PTPRD: variants seen among roughly 807,000 people sequenced by gnomAD.
PTPRD encodes receptor-type tyrosine-protein phosphatase delta.
PTPRD carries 34 observed loss-of-function variants against 214.5 expected under a neutral mutation model. The observed-to-expected ratio is 0.16, with a 90% CI of 0.12 to 0.21. The LOEUF is 0.21. PTPRD is among the 10% of genes least tolerant of loss of function. PTPRD has a pLI of 1.00. For missense variants in PTPRD, 2,545 were observed against 2,398.7 expected (o/e 1.06, Z -1.27); for synonymous variants, 1,128 against 845.7 (o/e 1.33, Z -5.79).
Position 10,147,869 on chromosome 9 carries a change from G to C in PTPRD, c.-544-114079C>G, listed in dbSNP as rs116535066. On this transcript the variant is annotated intron_variant, in intron 3 of 45. Transcript: ENST00000381196. Reference sequence around the variant, plus strand: ...CACTCCAGCCTGGGCAACAAAGGGAGACTTCATCTCAAAATAAATAAATAC... The same window carrying C: ...CACTCCAGCCTGGGCAACAAAGGGACACTTCATCTCAAAATAAATAAATAC... Among the ~76,000 whole-genome samples, 308 of 151,770 alleles carry C rather than the reference G, an allele frequency of 2.0e-3. 4 individuals are homozygous for C. Among genetic ancestry groups the C allele is most frequent in the African/African-American group, 7.0e-3 (290 of 41,394 alleles).
intron 4 of PTPRD, among the ~76,000 whole-genome samples, chr9:9,951,918 A>G (rs895518350): frequency 2.0e-5 from 3 of 152,244 alleles, no homozygotes; most frequent in Admixed American, 1.3e-4. Flanking sequence ...TCATGATCTT[A>G]ATTGAGTACT....
intron 7 of PTPRD, among the ~76,000 whole-genome samples, chr9:9,609,318 A>T (rs1043299083): frequency 2.6e-5 from 4 of 152,164 alleles, no homozygotes; most frequent in African/African-American, 9.7e-5. Flanking sequence ...TTCTATATAC[A>T]TACCTAGAAA....
chr9:9,686,249 C>T (rs2097165222), intron 7 of PTPRD, among the ~76,000 whole-genome samples: 1 of 150,866 alleles, frequency 6.6e-6, no homozygotes. Flanking sequence ...AATTTTACTC[C>T]TACCTTGAAA....
chr9:9,895,474 T>C lies in PTPRD; in HGVS notation c.-368+43033A>G, dbSNP rs796846779. ...AAAATTTTTGCTGTTATAATGATTA[T>C]TTAAATTTTTAAGTAATTTTTCAAA... On this transcript the variant is annotated intron_variant, in intron 5 of 45. Coordinates refer to ENST00000381196, the MANE Select transcript of PTPRD (RefSeq NM_002839.4). 2.7e-4 allele frequency among the ~76,000 whole-genome samples: 41 copies of C among 152,074 alleles called. 1 individual carries two copies. Among genetic ancestry groups the C allele is most frequent in the African/African-American group, 9.4e-4 (39 of 41,498 alleles).
chr9:9,038,553 GT>G (rs35388432), intron 10 of PTPRD, among the ~76,000 whole-genome samples: 60,236 of 129,032 alleles, frequency 0.47, 13,083 homozygotes, highest in Middle Eastern at 0.5. Context: ...TGTGATAACG[GT>G]TTTTTTTTTT....
intron 8 of PTPRD, among the ~76,000 whole-genome samples, chr9:9,532,012 G>A (rs2075585685): frequency 6.6e-6 from 1 of 151,268 alleles, no homozygotes; most frequent in Non-Finnish European, 1.5e-5. Context: ...AATATTATTA[G>A]TGCTAATAAG....
chr9:9,031,719 A>G (rs1590138640), intron 10 of PTPRD, among the ~76,000 whole-genome samples: 1 of 152,180 alleles, frequency 6.6e-6, no homozygotes, highest in Admixed American at 6.6e-5. Context: ...TCATGCACAA[A>G]TAATCAGAGT....
intron 3 of PTPRD, among the ~76,000 whole-genome samples, chr9:10,101,708 C>T (rs1332550537): frequency 6.6e-6 from 1 of 151,560 alleles, no homozygotes; most frequent in Non-Finnish European, 1.5e-5. Context: ...CAAATAAAAG[C>T]TAATTTTATA....
At chr9:9,263,385 T>C (rs1594782179) in intron 9 of PTPRD, among the ~76,000 whole-genome samples, 1 of 151,654 alleles carries the variant, frequency 6.6e-6, no homozygotes, top group East Asian at 2.0e-4. Flanking sequence ...TCAGTTTAGT[T>C]CAACTGAATG....
intron 44 of PTPRD, among the ~76,000 whole-genome samples, chr9:8,325,722 A>G (rs983337747): frequency 6.6e-6 from 1 of 151,996 alleles, no homozygotes; most frequent in Non-Finnish European, 1.5e-5. Context: ...GTGAGCATGG[A>G]ATGTTCTTCC....
chr9:10,340,305 T>C (rs375660841), intron 3 of PTPRD, among the ~76,000 whole-genome samples: 8 of 151,872 alleles, frequency 5.3e-5, no homozygotes, highest in African/African-American at 1.9e-4. Flanking sequence ...TGGGAGTCAA[T>C]AGCAAAAGCA....
At chr9:8,601,097 A>G (rs1382037588) in intron 14 of PTPRD, among the ~76,000 whole-genome samples, 1 of 152,132 alleles carries the variant, frequency 6.6e-6, no homozygotes, top group Non-Finnish European at 1.5e-5. Context: ...GAACACTGGC[A>G]GGAGCTTGGC....
At chr9:9,241,077 G>T (rs189882706) in intron 9 of PTPRD, among the ~76,000 whole-genome samples, 2 of 152,176 alleles carry the variant, frequency 1.3e-5, no homozygotes, top group South Asian at 2.1e-4. Context: ...TTTTGTGAAC[G>T]TGCTCATCGA....
At chr9:8,486,411 G>T in intron 27 of PTPRD, 62 bp from the exon 28 acceptor site, 2 of 1,354,752 alleles carry the variant, frequency 1.5e-6, no homozygotes, top group Non-Finnish European at 2.1e-6. Context: ...TTCAGTCATT[G>T]CCAAATGAGG....
chr9:9,329,938 G>T (rs2041679043), intron 9 of PTPRD, among the ~76,000 whole-genome samples: 1 of 152,136 alleles, frequency 6.6e-6, no homozygotes, highest in Admixed American at 6.6e-5. Context: ...ACTTCTAGCT[G>T]CTAATCCCTG....
chr9:8,539,280 A>G (rs910365013), intron 14 of PTPRD, among the ~76,000 whole-genome samples: 5 of 151,964 alleles, frequency 3.3e-5, no homozygotes, highest in Admixed American at 6.6e-5. Flanking sequence ...TCTGTGAGAG[A>G]TTAAATGATA....
chr9:8,455,392 T>C (rs989599668), intron 33 of PTPRD, among the ~76,000 whole-genome samples: 3 of 152,218 alleles, frequency 2.0e-5, no homozygotes, highest in African/African-American at 7.2e-5. Flanking sequence ...TGTGATAATA[T>C]GTTGATTGTG....
At chr9:10,603,148 C>T (rs755154852) in intron 2 of PTPRD, among the ~76,000 whole-genome samples, 2 of 151,742 alleles carry the variant, frequency 1.3e-5, no homozygotes, top group South Asian at 2.1e-4. Flanking sequence ...AAAAGGGACC[C>T]GAGCTTGAAG....
chr9:10,072,508 T>G (rs1168851285), intron 3 of PTPRD, among the ~76,000 whole-genome samples: 2 of 152,050 alleles, frequency 1.3e-5, no homozygotes. Flanking sequence ...GAACACAGCT[T>G]CCACAGCATG....
Sources: allele counts gnomAD v4.1 joint callset (sites outside exome capture counted in the v4.1 genomes callset), GRCh38; gene constraint gnomAD v4.1.1; transcripts MANE v1.5; gene names NCBI Gene and HGNC (gene_info 2026-07-23, HGNC 2026-07-21).